Variants in CNBD1 observed in about 807,000 individuals in gnomAD.
CNBD1 encodes cyclic nucleotide-binding domain-containing protein 1.
Under a neutral mutation model 54.4 loss-of-function variants are expected in CNBD1, and 71 were observed. The observed-to-expected ratio is 1.30, with a 90% CI of 1.08 to 1.59. The LOEUF (loss-of-function observed/expected upper bound fraction) is 1.59. CNBD1 is among the 40% of genes most tolerant of loss of function. CNBD1 has a pLI of 0.00. For synonymous variants in CNBD1, 182 were observed against 170.7 expected (o/e 1.07, Z -0.51); for missense variants, 659 against 518.0 (o/e 1.27, Z -2.64).
chr8:87,375,191 G>C lies in CNBD1; in HGVS notation c.1304-7429G>C, dbSNP rs1161607525. 7.9e-5 allele frequency among the ~76,000 whole-genome samples: 12 copies of C among 151,734 alleles called. No homozygotes were observed. In the Admixed American group the frequency reaches 7.9e-4, roughly 10 times the overall value. On this transcript the variant is annotated intron_variant, in intron 10 of 10. Coordinates refer to ENST00000518476, the MANE Select transcript of CNBD1 (RefSeq NM_173538.3). ...ATAAGAACAAATGTACATGAATTCA[G>C]CTCTTAGTTTTGTAATTAATGCACT...
intron 10 of CNBD1, among the ~76,000 whole-genome samples, chr8:87,365,143 T>A (rs1308558883): frequency 6.6e-6 from 1 of 152,112 alleles, no homozygotes; most frequent in Non-Finnish European, 1.5e-5. Flanking sequence ...CTCCACAACC[T>A]TGCCAGCATC....
intron 10 of CNBD1, among the ~76,000 whole-genome samples, chr8:87,371,108 C>G (rs1446796327): frequency 2.0e-5 from 3 of 151,492 alleles, no homozygotes; most frequent in Non-Finnish European, 2.9e-5. Context: ...GGTACCAGTA[C>G]CATGCTGTTT....
rs186354141 is a variant in CNBD1, at chr8:87,297,050, T to C, written c.1042+10379T>C. On this transcript the variant is annotated intron_variant, in intron 8 of 10. Coordinates refer to ENST00000518476, the MANE Select transcript of CNBD1 (RefSeq NM_173538.3). ...AAAATTGGCCGGGCTTGGTGGCGGGTGCCTGTAGTCCCAGCTACTCCGGAG... is the reference window on the plus strand; with the variant it reads ...AAAATTGGCCGGGCTTGGTGGCGGGCGCCTGTAGTCCCAGCTACTCCGGAG... 3.8e-3 allele frequency among the ~76,000 whole-genome samples: 567 copies of C among 149,434 alleles called. 2 individuals are homozygous for C. Among genetic ancestry groups the C allele is most frequent in the Admixed American group, 6.0e-3 (89 of 14,868 alleles).
intron 8 of CNBD1, among the ~76,000 whole-genome samples, chr8:87,316,435 G>T (rs1809389598): frequency 6.6e-6 from 1 of 151,876 alleles, no homozygotes; most frequent in South Asian, 2.1e-4. Context: ...TAGAAAACAA[G>T]AATCTTATGT....
intron 4 of CNBD1, among the ~76,000 whole-genome samples, chr8:87,177,484 CA>C (rs1380140390): frequency 6.6e-6 from 1 of 152,118 alleles, no homozygotes. Flanking sequence ...TTTTTATTAG[CA>C]CAATTGCATA....
At chr8:87,225,691 C>G (rs965383321) in intron 5 of CNBD1, among the ~76,000 whole-genome samples, 2 of 152,100 alleles carry the variant, frequency 1.3e-5, no homozygotes, top group African/African-American at 4.8e-5. Flanking sequence ...GGATATTGAT[C>G]TAAAATTCTC....
At chr8:87,392,989 G>A (rs562507413) in intron 2 of CNBD1, among the ~76,000 whole-genome samples, 30 of 151,930 alleles carry the variant, frequency 2.0e-4, no homozygotes, top group East Asian at 3.9e-4. Flanking sequence ...GTGGTTCTAC[G>A]TAACATTTTG....
intron 10 of CNBD1, among the ~76,000 whole-genome samples, chr8:87,355,045 G>C (rs112922032): frequency 0.02 from 3,082 of 152,236 alleles, 103 homozygotes; most frequent in African/African-American, 0.067. Context: ...AGAGGATGTG[G>C]AGAAATAGGA....
chr8:87,045,419 A>T (rs1810160635), intron 4 of CNBD1, among the ~76,000 whole-genome samples: 1 of 152,172 alleles, frequency 6.6e-6, no homozygotes, highest in Admixed American at 6.5e-5. Flanking sequence ...TGTAAGTTTT[A>T]TTCCAATTGG....
intron 3 of CNBD1, among the ~76,000 whole-genome samples, chr8:86,935,355 T>G (rs1438973115): frequency 6.6e-6 from 1 of 152,146 alleles, no homozygotes; most frequent in East Asian, 1.9e-4. Context: ...TATTAAGAGT[T>G]TGTTAGAATT....
intron 5 of CNBD1, among the ~76,000 whole-genome samples, chr8:87,230,950 C>T (rs1218810272): frequency 6.6e-6 from 1 of 152,100 alleles, no homozygotes; most frequent in Non-Finnish European, 1.5e-5. Context: ...TTAACAATGT[C>T]TTTCTTTATA....
chr8:86,933,430 A>G (rs372347980), intron 3 of CNBD1, among the ~76,000 whole-genome samples: 90 of 152,336 alleles, frequency 5.9e-4, no homozygotes, highest in African/African-American at 2.0e-3. Context: ...TGAATTAGTC[A>G]TTAAATCTCA....
At chr8:87,144,330 G>A (rs1812437193) in intron 4 of CNBD1, among the ~76,000 whole-genome samples, 1 of 152,146 alleles carries the variant, frequency 6.6e-6, no homozygotes, top group Admixed American at 6.5e-5. Context: ...CAATTACTAA[G>A]CATGGCAGAG....
chr8:87,178,444 G>A (rs1014503683), intron 4 of CNBD1, among the ~76,000 whole-genome samples: 11 of 152,158 alleles, frequency 7.2e-5, no homozygotes, highest in African/African-American at 2.4e-4. Flanking sequence ...ATCCCAAGTC[G>A]AGAGTTTGCT....
intron 8 of CNBD1, among the ~76,000 whole-genome samples, chr8:87,342,407 G>A (rs990167864): frequency 5.3e-5 from 8 of 152,066 alleles, no homozygotes; most frequent in Admixed American, 5.2e-4. Context: ...TCTTTAATTA[G>A]AGTATATTTC....
intron 2 of CNBD1, among the ~76,000 whole-genome samples, chr8:87,403,549 AT>A (rs1415715031): frequency 6.6e-6 from 1 of 151,892 alleles, no homozygotes; most frequent in Non-Finnish European, 1.5e-5. Flanking sequence ...TTTCTTTGAG[AT>A]TTTCTGAATG....
intron 2 of CNBD1, among the ~76,000 whole-genome samples, chr8:87,398,509 T>A (rs145473674): frequency 3.9e-5 from 6 of 152,134 alleles, no homozygotes; most frequent in Non-Finnish European, 8.8e-5. Flanking sequence ...ATATACATTC[T>A]GGTGATCCCT....
At chr8:87,328,600 T>A (rs1413897080) in intron 8 of CNBD1, among the ~76,000 whole-genome samples, 1 of 152,006 alleles carries the variant, frequency 6.6e-6, no homozygotes, top group East Asian at 1.9e-4. Flanking sequence ...CCTTTGTGAT[T>A]CCATATCAAT....
chr8:87,134,708 T>C (rs1812191557), intron 4 of CNBD1, among the ~76,000 whole-genome samples: 1 of 145,046 alleles, frequency 6.9e-6, no homozygotes, highest in Admixed American at 7.1e-5. Context: ...GTTCACACCA[T>C]TTTCCTGCCT....
Sources: gnomAD v4.1 joint callset for allele counts (sites outside exome capture counted in the v4.1 genomes callset) on GRCh38, gnomAD v4.1.1 for gene constraint, MANE v1.5 for transcripts, NCBI Gene and HGNC (gene_info 2026-07-23, HGNC 2026-07-21) for gene names.